Variants in BMAL1 observed in about 807,000 individuals in gnomAD.
BMAL1 encodes basic helix-loop-helix ARNT-like protein 1.
At chr11:13,346,203 T>C in the BMAL1 span, among the ~76,000 whole-genome samples, 88,236 of 152,136 alleles carry the variant, frequency 0.58, 26,310 homozygotes, top group Non-Finnish European at 0.66. Flanking sequence ...AAGTTGTGGC[T>C]GTCACTTCTG....
At chr11:13,300,359 C>T in the BMAL1 span, among the ~76,000 whole-genome samples, 5 of 151,900 alleles carry the variant, frequency 3.3e-5, no homozygotes, top group Admixed American at 6.6e-5. Context: ...GATTTAATAG[C>T]GAATCAGAAT....
chr11:13,277,686 C>T, the BMAL1 span: 2 of 102,868 alleles, frequency 1.9e-5, no homozygotes, highest in Non-Finnish European at 3.7e-5. Flanking sequence ...CCGGGCGCTG[C>T]GGCTCCTCCA....
At chr11:13,285,264 G>T in the BMAL1 span, among the ~76,000 whole-genome samples, 1 of 152,046 alleles carries the variant, frequency 6.6e-6, no homozygotes. Flanking sequence ...ATTATCTTAC[G>T]CTCACTTCCC....
At chr11:13,376,793 C>T in the BMAL1 span, 2 of 1,475,086 alleles carry the variant, frequency 1.4e-6, no homozygotes. Context: ...CAAATATCCT[C>T]CCCTAAAGTA....
At chr11:13,364,249 C>T in the BMAL1 span, among the ~76,000 whole-genome samples, 1 of 152,212 alleles carries the variant, frequency 6.6e-6, no homozygotes, top group East Asian at 1.9e-4. Flanking sequence ...CCTGGGCCAG[C>T]TTAGGGACCT....
At chr11:13,367,982 GA>G in the BMAL1 span, among the ~76,000 whole-genome samples, 1 of 152,110 alleles carries the variant, frequency 6.6e-6, no homozygotes, top group Admixed American at 6.5e-5. Context: ...TTAATCCCTG[GA>G]AAAAAATACC....
At chr11:13,382,074 G>A in the BMAL1 span, among the ~76,000 whole-genome samples, 1 of 152,086 alleles carries the variant, frequency 6.6e-6, no homozygotes, top group African/African-American at 2.4e-5. Flanking sequence ...TGAGCTCCTC[G>A]GAGGTTTGTT....
At chr11:13,356,634 A>T in the BMAL1 span, 1 of 1,373,150 alleles carries the variant, frequency 7.3e-7, no homozygotes. Flanking sequence ...TTCGAACTTT[A>T]TGATTGTTTG....
At chr11:13,298,920 C>G in the BMAL1 span, among the ~76,000 whole-genome samples, 1 of 152,216 alleles carries the variant, frequency 6.6e-6, no homozygotes, top group African/African-American at 2.4e-5. Context: ...ACACTTTTTC[C>G]TGTTCCAATT....
At chr11:13,304,111 T>C in the BMAL1 span, among the ~76,000 whole-genome samples, 1 of 151,810 alleles carries the variant, frequency 6.6e-6, no homozygotes, top group African/African-American at 2.4e-5. Context: ...AGCCAGAACA[T>C]AGAGTTTTGA....
chr11:13,353,860 G>T, the BMAL1 span, among the ~76,000 whole-genome samples: 1 of 152,196 alleles, frequency 6.6e-6, no homozygotes, highest in East Asian at 1.9e-4. Context: ...AATAAAATTA[G>T]CTTTGTGTGT....
chr11:13,375,932 A>T, the BMAL1 span, among the ~76,000 whole-genome samples: 2 of 152,220 alleles, frequency 1.3e-5, no homozygotes, highest in Non-Finnish European at 2.9e-5. Flanking sequence ...TTGTTAACAA[A>T]GGGACAAGCT....
the BMAL1 span, among the ~76,000 whole-genome samples, chr11:13,282,025 G>C: frequency 1.3e-5 from 2 of 152,204 alleles, no homozygotes; most frequent in Non-Finnish European, 1.5e-5. Context: ...TTGTGGACAT[G>C]AATGGCAGCC....
At chr11:13,289,653 A>G in the BMAL1 span, among the ~76,000 whole-genome samples, 1 of 152,068 alleles carries the variant, frequency 6.6e-6, no homozygotes, top group Non-Finnish European at 1.5e-5. Flanking sequence ...TGTCCTTGTG[A>G]TAGTTTGCTC....
chr11:13,308,831 G>C, the BMAL1 span, among the ~76,000 whole-genome samples: 1 of 152,274 alleles, frequency 6.6e-6, no homozygotes, highest in Admixed American at 6.5e-5. Flanking sequence ...GGCTTTTGTG[G>C]GGAGGATTGA....
the BMAL1 span, among the ~76,000 whole-genome samples, chr11:13,306,598 G>C: frequency 6.6e-6 from 1 of 152,162 alleles, no homozygotes; most frequent in Non-Finnish European, 1.5e-5. Context: ...AAAAATCCAG[G>C]GAGTGTGCAT....
At chr11:13,329,129 C>T in the BMAL1 span, among the ~76,000 whole-genome samples, 1 of 152,068 alleles carries the variant, frequency 6.6e-6, no homozygotes, top group African/African-American at 2.4e-5. Flanking sequence ...TCAGAGGAGG[C>T]ACAAGAACAC....
chr11:13,350,865 G>T, the BMAL1 span, among the ~76,000 whole-genome samples: 1 of 152,162 alleles, frequency 6.6e-6, no homozygotes, highest in Non-Finnish European at 1.5e-5. Flanking sequence ...AAAAGCAAAA[G>T]GGTGGGAAAA....
chr11:13,375,488 T>G, the BMAL1 span: 11 of 764,248 alleles, frequency 1.4e-5, no homozygotes, highest in African/African-American at 3.6e-5. Context: ...CACTGCAGTT[T>G]CCTTGGCTTA....
Sources: allele counts gnomAD v4.1 joint callset (sites outside exome capture counted in the v4.1 genomes callset), GRCh38; gene constraint gnomAD v4.1.1; transcripts MANE v1.5; gene names NCBI Gene and HGNC (gene_info 2026-07-23, HGNC 2026-07-21).